DOCK3: variants seen among roughly 807,000 people sequenced by gnomAD.
DOCK3 encodes dedicator of cytokinesis protein 3.
DOCK3 carries 60 observed loss-of-function variants against 265.6 expected under a neutral mutation model. That is an observed-to-expected ratio of 0.23 (90% confidence interval 0.18 to 0.28). The LOEUF (loss-of-function observed/expected upper bound fraction) is 0.28, where lower values mean the gene tolerates loss of function less well. Among genes scored for constraint, DOCK3 ranks in the 10% least tolerant of loss-of-function variants. The pLI is 1.00. For synonymous variants in DOCK3, 881 were observed against 938.0 expected (o/e 0.94, Z 1.11); for missense variants, 1,981 against 2,594.3 (o/e 0.76, Z 5.14).
intron 4 of DOCK3, among the ~76,000 whole-genome samples, chr3:50,899,367 T>C (rs756175739): frequency 1.3e-5 from 2 of 152,216 alleles, no homozygotes; most frequent in African/African-American, 2.4e-5. Flanking sequence ...AGCCTATGTG[T>C]GTCTTTGCAC....
At chr3:51,088,207 C>CA (rs949875093) in intron 7 of DOCK3, among the ~76,000 whole-genome samples, 1 of 151,812 alleles carries the variant, frequency 6.6e-6, no homozygotes, top group Admixed American at 6.6e-5. Flanking sequence ...AAAACAAAAA[C>CA]AAAAAAATGT....
intron 5 of DOCK3, among the ~76,000 whole-genome samples, chr3:51,005,664 A>G (rs2078651416): frequency 6.6e-6 from 1 of 152,162 alleles, no homozygotes; most frequent in African/African-American, 2.4e-5. Flanking sequence ...AGGTTCTGTC[A>G]GCTCTACTTT....
chr3:51,015,301 G>A (rs951340200), intron 5 of DOCK3, among the ~76,000 whole-genome samples: 2 of 151,970 alleles, frequency 1.3e-5, no homozygotes, highest in African/African-American at 4.8e-5. Flanking sequence ...GTTGAAGTAT[G>A]TTTCTAATGT....
chr3:51,364,160 CTT>C (rs2086954383), intron 49 of DOCK3, among the ~76,000 whole-genome samples: 1 of 152,206 alleles, frequency 6.6e-6, no homozygotes, highest in African/African-American at 2.4e-5. Flanking sequence ...TGTTTCCTGA[CTT>C]TTTAATGATT....
intron 2 of DOCK3, among the ~76,000 whole-genome samples, chr3:50,819,626 G>A (rs370173308): frequency 8.5e-5 from 13 of 152,194 alleles, no homozygotes; most frequent in African/African-American, 2.6e-4. Flanking sequence ...TAATGCATTA[G>A]CATGTTAAAC....
chr3:51,312,435 G>C (rs1222786121), intron 29 of DOCK3, 41 bp from the exon 30 acceptor site: 1 of 1,560,028 alleles, frequency 6.4e-7, no homozygotes, highest in Non-Finnish European at 8.8e-7. Flanking sequence ...ACAAGATTAA[G>C]TTCTTAGACT....
At chr3:51,077,456 C>G (rs2082092022) in intron 7 of DOCK3, among the ~76,000 whole-genome samples, 1 of 152,082 alleles carries the variant, frequency 6.6e-6, no homozygotes, top group Non-Finnish European at 1.5e-5. Flanking sequence ...AGCAGGAGAA[C>G]TTAATTTCAG....
At chr3:51,366,337 C>T (rs1576954879) in intron 49 of DOCK3, among the ~76,000 whole-genome samples, 1 of 151,874 alleles carries the variant, frequency 6.6e-6, no homozygotes, top group Non-Finnish European at 1.5e-5. Context: ...GGTGATATCC[C>T]CTTTATCATT....
At chr3:51,373,512 C>T (rs561145320) in intron 49 of DOCK3, among the ~76,000 whole-genome samples, 2 of 152,288 alleles carry the variant, frequency 1.3e-5, no homozygotes, top group African/African-American at 4.8e-5. Flanking sequence ...ACCCATTCCC[C>T]CAGGAAAGCC....
At chr3:51,012,774 C>T (rs766283063) in intron 5 of DOCK3, among the ~76,000 whole-genome samples, 23 of 152,270 alleles carry the variant, frequency 1.5e-4, no homozygotes, top group South Asian at 8.3e-4. Context: ...TGTTCCTATT[C>T]GGCCATCTTT....
rs188401189 is a variant in DOCK3 at position 50,704,795 on chromosome 3, T to G, written c.37+29495T>G. On this transcript the variant is annotated intron_variant, in intron 1 of 52. Transcript: ENST00000266037. ...CATGTGCCATGACGCTCAGCTAATT[T>G]TTTTTGTATTTTTAGTAGAGACAGG... 3.3e-4 allele frequency among the ~76,000 whole-genome samples: 50 copies of G among 152,144 alleles called. No individual in the cohort carries two copies. The East Asian group carries it at 6.2e-3, about 19-fold the overall frequency.
At chr3:50,700,793 ATAC>A (rs1343269000) in intron 1 of DOCK3, among the ~76,000 whole-genome samples, 1 of 152,188 alleles carries the variant, frequency 6.6e-6, no homozygotes, top group Non-Finnish European at 1.5e-5. Context: ...TTTTGGATAG[ATAC>A]TCGGTAGTGA....
At chr3:51,337,572 A>C (rs1302221771) in intron 35 of DOCK3, among the ~76,000 whole-genome samples, 1 of 152,204 alleles carries the variant, frequency 6.6e-6, no homozygotes, top group African/African-American at 2.4e-5. Context: ...CATCAGGCAG[A>C]TGGCACTCTG....
At chr3:50,930,137 AAGTTTTT>A (rs1388371256) in intron 4 of DOCK3, among the ~76,000 whole-genome samples, 459 of 152,340 alleles carry the variant, frequency 3.0e-3, no homozygotes, top group African/African-American at 0.011. Flanking sequence ...GGAACACTCT[AAGTTTTT>A]TATAGATCTT....
chr3:51,316,445 A>G lies in DOCK3; in HGVS notation c.3402+1317A>G, dbSNP rs893591582. ...AAAACATTTCTTTACAGGTTTTTGT[A>G]TGCATATAAGCTTTCATTTTTCTTG... On this transcript the variant is annotated intron_variant, in intron 32 of 52. Coordinates refer to ENST00000266037, the MANE Select transcript of DOCK3 (RefSeq NM_004947.5). 3.3e-5 allele frequency among the ~76,000 whole-genome samples: 5 copies of G among 152,238 alleles called. No homozygotes were observed. The South Asian group carries it at 8.3e-4, about 25-fold the overall frequency.
chr3:50,722,310 T>G (rs1298904776), intron 1 of DOCK3, among the ~76,000 whole-genome samples: 2 of 152,158 alleles, frequency 1.3e-5, no homozygotes, highest in African/African-American at 4.8e-5. Flanking sequence ...AAGATCAAGT[T>G]CTGTGCTTTG....
chr3:50,676,908 A>C (rs1358651953), intron 1 of DOCK3, among the ~76,000 whole-genome samples: 3 of 152,198 alleles, frequency 2.0e-5, no homozygotes, highest in Non-Finnish European at 4.4e-5. Context: ...TGAATGCTTA[A>C]TAGTTTCTTC....
At chr3:51,154,673 G>A (rs1180127248) in intron 10 of DOCK3, among the ~76,000 whole-genome samples, 1 of 152,218 alleles carries the variant, frequency 6.6e-6, no homozygotes, top group Non-Finnish European at 1.5e-5. Context: ...TCTTGGATTT[G>A]TGGGAACAGA....
chr3:51,316,870 A>G (rs993986481), intron 32 of DOCK3, among the ~76,000 whole-genome samples: 3 of 152,202 alleles, frequency 2.0e-5, no homozygotes, highest in Admixed American at 6.5e-5. Flanking sequence ...TTTGTTGAGC[A>G]TATGATTTAC....
Sources: allele counts gnomAD v4.1 joint callset (sites outside exome capture counted in the v4.1 genomes callset), GRCh38; gene constraint gnomAD v4.1.1; transcripts MANE v1.5; gene names NCBI Gene and HGNC (gene_info 2026-07-23, HGNC 2026-07-21).